Variants in SEPTIN5 observed in about 807,000 individuals in gnomAD.
SEPTIN5 encodes the protein septin-5.
SEPTIN5 carries 16 observed loss-of-function variants against 51.2 expected under a neutral mutation model. The ratio of observed to expected loss-of-function variants is 0.31; its 90% CI spans 0.21 to 0.47. The LOEUF (loss-of-function observed/expected upper bound fraction) is 0.47. Ranked by LOEUF, SEPTIN5 falls within the 20% of genes least tolerant of loss-of-function variation. The probability of loss-of-function intolerance (pLI) is 0.99; values close to 1 mark genes in which losing one functional copy is unlikely to be tolerated. For missense variants in SEPTIN5, 376 were observed against 500.3 expected (o/e 0.75, Z 2.37); for synonymous variants, 208 against 191.2 (o/e 1.09, Z -0.72).
intron 2 of SEPTIN5, chr22:19,718,703 C>A: frequency 7.9e-7 from 1 of 1,261,342 alleles, no homozygotes; most frequent in South Asian, 3.6e-5. Context: ...GGCCTGGGGT[C>A]CGAGCGTGCC....
chr22:19,720,370 G>C lies in SEPTIN5; in HGVS notation c.413G>C (p.Arg138Pro). Reference sequence around the variant, plus strand: ...GACCAGCAGTTTGAGCAGTACTTCCGTGATGAGAGCGGCCTCAACCGAAAG... The same window carrying C: ...GACCAGCAGTTTGAGCAGTACTTCCCTGATGAGAGCGGCCTCAACCGAAAG... Reference protein sequence around the residue: ...YVDQQFEQYFRDESGLNRKNI... With the variant: ...YVDQQFEQYFPDESGLNRKNI... Residue 138 changes from arginine to proline, a missense_variant, in exon 6 of 12, where the codon CGT becomes CCT. Transcript: ENST00000455784. 6.2e-7 allele frequency: 1 copy of C among 1,613,994 alleles called. No individual in the cohort carries two copies. The highest frequency in any genetic ancestry group is 8.5e-7 in the Non-Finnish European group (1 of 1,180,028).
chr22:19,714,575 C>T lies in SEPTIN5; in HGVS notation c.-14C>T. On this transcript the variant is annotated 5_prime_UTR_variant, in exon 1 of 12. Transcript: ENST00000455784. This position sits in a 1 kb window ranked among gnomAD's most constrained non-coding sequence, Gnocchi z 5.2. ...CCGCGAGCCCGCCCCGCACGTCCCC[C>T]GCCGGCGGCCACCATGAGCACAGGC... 7.1e-7 allele frequency: 1 copy of T among 1,416,734 alleles called. No homozygotes were observed. The highest frequency in any genetic ancestry group is 1.5e-5 in the African/African-American group (1 of 66,752). 87.8% of individuals were successfully genotyped at this position (1,416,734 alleles called of 1,614,324 possible).
Position 19,720,881 on chromosome 22 carries a change from G to C in SEPTIN5, c.717+12G>C. On this transcript the variant is annotated intron_variant, in intron 8 of 11. Coordinates refer to ENST00000455784, the MANE Select transcript of SEPTIN5 (RefSeq NM_002688.6). ...ACCGGGAACTGAAGGTGAACATGCAGACTGGTGGGGCAGGGGGGATGGAGC... is the reference window on the plus strand; with the variant it reads ...ACCGGGAACTGAAGGTGAACATGCACACTGGTGGGGCAGGGGGGATGGAGC... 1 of 1,609,128 alleles carries C rather than the reference G, an allele frequency of 6.2e-7. No individual in the cohort carries two copies. The highest frequency in any genetic ancestry group is 1.7e-4 in the Middle Eastern group (1 of 6,054).
chr22:19,718,627 C>A, intron 2 of SEPTIN5: 2 of 1,262,612 alleles, frequency 1.6e-6, no homozygotes, highest in Non-Finnish European at 1.0e-6. Flanking sequence ...ACGGGGTGGA[C>A]AACGCAGCCT....
At chr22:19,720,079 G>A (rs760636622) in intron 4 of SEPTIN5, 36 bp from the exon 5 acceptor site, 8 of 1,612,492 alleles carry the variant, frequency 5.0e-6, no homozygotes, top group South Asian at 1.1e-5. Flanking sequence ...GGGGCTGAGG[G>A]TTGGAGAGGC....
In SEPTIN5 at chr22:19,717,462, G is replaced by A. The variant is rs569217250; in HGVS notation, c.55-2140G>A. On this transcript the variant is annotated intron_variant, in intron 2 of 11. Coordinates refer to ENST00000455784, the MANE Select transcript of SEPTIN5 (RefSeq NM_002688.6). ...TCAGAGCTGGTGAGGATGCTCAGAG[G>A]GCAAGGGAATGTCCACAGAAGCACG... 373 of 412,706 alleles carry A rather than the reference G, an allele frequency of 9.0e-4. 2 individuals are homozygous for A. The highest frequency in any genetic ancestry group is 7.4e-3 in the African/African-American group (360 of 48,476). The allele number at this position is 412,706 out of a possible 1,614,324, so 25.6% of individuals were successfully genotyped here.
At chr22:19,717,372 C>T (rs1470068127) in intron 2 of SEPTIN5, 2 of 469,768 alleles carry the variant, frequency 4.3e-6, no homozygotes, top group African/African-American at 4.0e-5. Flanking sequence ...CCCGCAGTCC[C>T]TGGAGTAGCC....
intron 2 of SEPTIN5, among the ~76,000 whole-genome samples, chr22:19,716,031 C>T (rs1243356156): frequency 6.6e-6 from 1 of 152,222 alleles, no homozygotes; most frequent in African/African-American, 2.4e-5. Context: ...CACTCTGAGA[C>T]CCTGGGCTCC....
chr22:19,717,290 G>A lies in SEPTIN5; in HGVS notation c.55-2312G>A, dbSNP rs529799409. 3.1e-4 allele frequency: 146 copies of A among 470,522 alleles called. 1 individual carries two copies. The highest frequency in any genetic ancestry group is 6.3e-4 in the South Asian group (41 of 64,576). The allele number at this position is 470,522 out of a possible 1,614,324, so 29.1% of individuals were successfully genotyped here. A position where few individuals can be genotyped will look rare whatever the true frequency, so the allele number is the denominator to read the frequency against. ...CTTTCCAGGCCCCATGTCCTGCTCC[G>A]CTGGGCTTGCCTGTTGGGATTCTAC... On this transcript the variant is annotated intron_variant, in intron 2 of 11. Transcript: ENST00000455784.
Position 19,721,728 on chromosome 22 carries a change from T to G in SEPTIN5, c.806T>G (p.Ile269Ser). The change falls in exon 9 of 12, where the codon ATC (isoleucine) becomes AGC (serine). Residue 269 changes from isoleucine (I) to serine (S), a missense_variant. By Grantham distance (142) the Ile-to-Ser change is moderately radical. Coordinates refer to ENST00000455784, the MANE Select transcript of SEPTIN5 (RefSeq NM_002688.6). ...RVRGRLYPWGIVEVENQAHCD... is the reference protein window; with the variant it reads ...RVRGRLYPWGSVEVENQAHCD... ...CGGGGCCGACTGTACCCCTGGGGGATCGTGGAGGGTGAGTAGAGTCTTGGG... is the reference window on the plus strand; with the variant it reads ...CGGGGCCGACTGTACCCCTGGGGGAGCGTGGAGGGTGAGTAGAGTCTTGGG... The G allele has an allele frequency of 6.2e-7, 1 of 1,608,464 alleles. No individual in the cohort carries two copies. Among genetic ancestry groups the G allele is most frequent in the Non-Finnish European group, 8.5e-7 (1 of 1,176,990 alleles).
In SEPTIN5 at chr22:19,722,236, G is replaced by A; in HGVS notation, c.951-1G>A. ...CCCATCCTCCCCCCCGCCCCGCGCA[G>A]CAAACTGACCCAGGACAGCCGCATG... On this transcript the variant is annotated splice_acceptor_variant, in intron 10 of 11. Transcript: ENST00000455784. LOFTEE classifies it high-confidence loss of function. 6.3e-7 allele frequency: 1 copy of A among 1,586,760 alleles called. No homozygotes were observed. The highest frequency in any genetic ancestry group is 8.6e-7 in the Non-Finnish European group (1 of 1,162,050).
Position 19,722,409 on chromosome 22 carries a change from G to A in SEPTIN5, c.1054-19G>A. 1.9e-6 allele frequency: 3 copies of A among 1,597,210 alleles called. No homozygotes were observed. Among genetic ancestry groups the A allele is most frequent in the Non-Finnish European group, 1.7e-6 (2 of 1,172,256 alleles). The stretch of plus-strand genomic sequence containing the variant: ...TCCTCCGCGGTGCTGCTCACCCGCC[G>A]GGTTGTCTCCGCCCGCAGCTGAGGC... On this transcript the variant is annotated intron_variant, in intron 11 of 11. Coordinates refer to ENST00000455784, the MANE Select transcript of SEPTIN5 (RefSeq NM_002688.6).
chr22:19,717,350 GCTCGGGAGACCCCCGCAGTC>G (rs1223070752), intron 2 of SEPTIN5: 1 of 470,552 alleles, frequency 2.1e-6, no homozygotes, highest in Non-Finnish European at 4.4e-6. Flanking sequence ...ACAGAGCGGA[GCTCGGGAGACCCCCGCAGTC>G]CCTGGAGTAG....
At position 19,722,386 on chromosome 22, in the gene SEPTIN5, C is replaced by T. The variant is rs770925590; in HGVS notation, c.1054-42C>T. ...GCGGAGGCGGGCGTCAGGGATGCTC[C>T]TCCGCGGTGCTGCTCACCCGCCGGG... is the stretch of plus-strand genomic sequence containing the variant. On this transcript the variant is annotated intron_variant, in intron 11 of 11. Transcript: ENST00000455784. 1.9e-6 allele frequency: 3 copies of T among 1,593,008 alleles called. No homozygotes were observed. The African/African-American group carries it at 4.0e-5, about 21-fold the overall frequency.
In SEPTIN5 at chr22:19,722,430, G is replaced by A. The variant is rs766498173; in HGVS notation, c.1056G>A (p.Leu352=). The part of the protein sequence containing the change: ...EKLIRMKDEE[L]RRMQEMLQRM... The stretch of plus-strand genomic sequence containing the variant: ...CGCCGGGTTGTCTCCGCCCGCAGCT[G>A]AGGCGCATGCAGGAGATGCTGCAGA... The change falls in exon 12 of 12, where the codon CTG becomes CTA. Residue 352 remains leucine, a splice_region_variant and synonymous_variant. Transcript: ENST00000455784. The A allele has an allele frequency of 2.2e-5, 35 of 1,601,624 alleles. No homozygotes were observed. The highest frequency in any genetic ancestry group is 3.4e-5 in the Admixed American group (2 of 58,926).
chr22:19,719,179 T>C (rs183652452), intron 2 of SEPTIN5: 277 of 223,792 alleles, frequency 1.2e-3, no homozygotes, highest in African/African-American at 6.0e-3. Context: ...CCGGGCCAGG[T>C]GGGGCCTCCC....
At chr22:19,718,127 C>T (rs1935944471) in intron 2 of SEPTIN5, 1 of 152,438 alleles carries the variant, frequency 6.6e-6, no homozygotes, top group Non-Finnish European at 1.5e-5. Context: ...CTCCGGCGCC[C>T]TCTGGCGGGC....
intron 2 of SEPTIN5, among the ~76,000 whole-genome samples, chr22:19,715,470 G>A (rs545006487): frequency 2.0e-5 from 3 of 152,058 alleles, no homozygotes; most frequent in South Asian, 2.1e-4. Flanking sequence ...AAACCCAGCC[G>A]AGCTCAGGGT....
Position 19,722,501 on chromosome 22 carries a change from ACCGTCCGTCTCCGGGACGC to A in SEPTIN5, c.*20_*38del. 1 of 1,582,490 alleles carries A rather than the reference ACCGTCCGTCTCCGGGACGC, an allele frequency of 6.3e-7. No individual in the cohort carries two copies. The highest frequency in any genetic ancestry group is 8.6e-7 in the Non-Finnish European group (1 of 1,164,524). On this transcript the variant is annotated 3_prime_UTR_variant, in exon 12 of 12. Coordinates refer to ENST00000455784, the MANE Select transcript of SEPTIN5 (RefSeq NM_002688.6). ...GACCAGTGACGCTCGCCGCGGACACACCGTCCGTCTCCGGGACGCCCTCGCACCCCTGGACACCAGACCG... is the reference window on the plus strand; with the variant it reads ...GACCAGTGACGCTCGCCGCGGACACACCTCGCACCCCTGGACACCAGACCG...
Sources: allele counts gnomAD v4.1 joint callset (sites outside exome capture counted in the v4.1 genomes callset), GRCh38; gene constraint gnomAD v4.1.1; non-coding constraint Gnocchi (gnomAD v3.1); transcripts MANE v1.5; gene names NCBI Gene and HGNC (gene_info 2026-07-23, HGNC 2026-07-21).